The following MTNR1A variants were observed in gnomAD, a reference collection of about 807,000 sequenced individuals.
MTNR1A encodes melatonin receptor 1A.
Under a neutral mutation model 5.5 loss-of-function variants are expected in MTNR1A, and 7 were observed. That is an observed-to-expected ratio of 1.28 (90% CI 0.73 to 2.40). The LOEUF is 2.40. MTNR1A is among the 30% of genes most tolerant of loss of function. MTNR1A has a pLI of 0.00. For missense variants in MTNR1A, 441 were observed against 464.4 expected (o/e 0.95, Z 0.46); for synonymous variants, 196 against 202.7 (o/e 0.97, Z 0.28).
intron 1 of MTNR1A, among the ~76,000 whole-genome samples, chr4:186,546,527 C>T (rs1246287333): frequency 6.6e-6 from 1 of 152,078 alleles, no homozygotes; most frequent in African/African-American, 2.4e-5. Flanking sequence ...CTTCATGTGA[C>T]ACGCCATCCA....
At chr4:186,550,500 G>C (rs185405485) in intron 1 of MTNR1A, among the ~76,000 whole-genome samples, 404 of 152,280 alleles carry the variant, frequency 2.7e-3, no homozygotes, top group African/African-American at 9.4e-3. Flanking sequence ...AGGAAGAATG[G>C]GCAGAATGAG....
intron 1 of MTNR1A, among the ~76,000 whole-genome samples, chr4:186,535,830 T>A (rs548659251): frequency 6.6e-6 from 1 of 152,198 alleles, no homozygotes; most frequent in Non-Finnish European, 1.5e-5. Flanking sequence ...ACTTTCTAAA[T>A]CCTGCCCATT....
At chr4:186,535,477 C>T (rs1268734735) in intron 1 of MTNR1A, among the ~76,000 whole-genome samples, 1 of 151,982 alleles carries the variant, frequency 6.6e-6, no homozygotes, top group Non-Finnish European at 1.5e-5. Context: ...AATGGTCCGA[C>T]CTTGGCTCAC....
chr4:186,554,724 T>G (rs1234041006), intron 1 of MTNR1A, among the ~76,000 whole-genome samples: 2 of 152,218 alleles, frequency 1.3e-5, no homozygotes, highest in African/African-American at 2.4e-5. Context: ...GGCTCGTAAC[T>G]GCAGACTACT....
intron 1 of MTNR1A, among the ~76,000 whole-genome samples, chr4:186,538,702 C>T (rs944928553): frequency 1.1e-4 from 17 of 152,222 alleles, no homozygotes; most frequent in African/African-American, 4.1e-4. Flanking sequence ...GCTCACACAA[C>T]TGCTCTAGCA....
chr4:186,545,461 C>A (rs960834389), intron 1 of MTNR1A, among the ~76,000 whole-genome samples: 1 of 152,166 alleles, frequency 6.6e-6, no homozygotes, highest in Non-Finnish European at 1.5e-5. Flanking sequence ...CACATTCTCA[C>A]GGTGAGCACA....
intron 1 of MTNR1A, among the ~76,000 whole-genome samples, chr4:186,548,530 T>G (rs999826238): frequency 1.3e-5 from 2 of 151,960 alleles, no homozygotes; most frequent in African/African-American, 2.4e-5. Context: ...CAAAAGGAAT[T>G]TATTCTGCTG....
chr4:186,535,802 G>A lies in MTNR1A; in HGVS notation c.185-1245C>T, dbSNP rs144634061. 3.6e-4 allele frequency among the ~76,000 whole-genome samples: 54 copies of A among 151,960 alleles called. 1 individual carries two copies. In the East Asian group the frequency reaches 8.9e-3, roughly 25 times the overall value. On this transcript the variant is annotated intron_variant, in intron 1 of 1. Transcript: ENST00000307161. ...TGTTTCTTACTATTCCTTCTGCCTC[G>A]AATGGCTCCTCACATCAACTTTCTA...
chr4:186,540,728 A>ACTGAAGGAAGGACCAGGTGCTGT (rs1736997188), intron 1 of MTNR1A, among the ~76,000 whole-genome samples: 1 of 54,802 alleles, frequency 1.8e-5, no homozygotes, highest in African/African-American at 7.8e-5. Context: ...GTGCTGTCTG[A>ACTGAAGGAAGGACCAGGTGCTGT]CTGACTGAAG....
At chr4:186,536,497 A>G (rs1227260651) in intron 1 of MTNR1A, among the ~76,000 whole-genome samples, 1 of 152,172 alleles carries the variant, frequency 6.6e-6, no homozygotes, top group Non-Finnish European at 1.5e-5. Flanking sequence ...TTCGCCTTCT[A>G]TTCTATTGAC....
chr4:186,534,172 G>A lies in MTNR1A; in HGVS notation c.570C>T (p.Ala190=), dbSNP rs777236387. ...GGACGAGGAAGTGGAAAACCACCAC[G>A]GCGATGGTGTAGGCGGAGCTGACGG... ...AQSVSSAYTI[A]VVVFHFLVPM... The change falls in exon 2 of 2, where the codon GCC becomes GCT. Residue 190 remains alanine (A), a synonymous_variant. Transcript: ENST00000307161. The A allele has an allele frequency of 8.1e-6, 13 of 1,613,352 alleles. No homozygotes were observed. The highest frequency in any genetic ancestry group is 4.4e-5 in the South Asian group (4 of 91,074).
chr4:186,550,036 T>C (rs1162513331), intron 1 of MTNR1A, among the ~76,000 whole-genome samples: 1 of 152,234 alleles, frequency 6.6e-6, no homozygotes, highest in Non-Finnish European at 1.5e-5. Context: ...TCAATGGCAT[T>C]GCCGAAAGTG....
intron 1 of MTNR1A, among the ~76,000 whole-genome samples, chr4:186,554,467 A>C (rs1737329910): frequency 6.6e-6 from 1 of 152,230 alleles, no homozygotes. Flanking sequence ...TCCTAAGAAC[A>C]AAGTGTCCAC....
intron 1 of MTNR1A, among the ~76,000 whole-genome samples, chr4:186,541,180 T>G (rs1209154549): frequency 6.6e-6 from 1 of 152,180 alleles, no homozygotes; most frequent in Non-Finnish European, 1.5e-5. Flanking sequence ...TTTCATGACC[T>G]ACTGACACTA....
At chr4:186,553,477 A>G (rs1367225917) in intron 1 of MTNR1A, among the ~76,000 whole-genome samples, 1 of 152,262 alleles carries the variant, frequency 6.6e-6, no homozygotes, top group East Asian at 1.9e-4. Context: ...CACAAGAAGT[A>G]AAATTGTTCA....
chr4:186,540,704 G>C (rs1008055908), intron 1 of MTNR1A, among the ~76,000 whole-genome samples: 1 of 150,904 alleles, frequency 6.6e-6, no homozygotes, highest in South Asian at 2.1e-4. Flanking sequence ...GGTGCTGTCT[G>C]TCTGAAGGAC....
intron 1 of MTNR1A, among the ~76,000 whole-genome samples, chr4:186,553,811 C>T (rs535658864): frequency 7.9e-5 from 12 of 152,220 alleles, no homozygotes; most frequent in South Asian, 4.1e-4. Context: ...CGCGCCCAGC[C>T]GTGAACACTT....
intron 1 of MTNR1A, among the ~76,000 whole-genome samples, chr4:186,541,512 A>G (rs1464892863): frequency 6.6e-6 from 1 of 151,300 alleles, no homozygotes; most frequent in African/African-American, 2.4e-5. Flanking sequence ...GATCTAGCTG[A>G]CCATTAGCCA....
In MTNR1A at chr4:186,548,192, A is replaced by G. The variant is rs1449489754; in HGVS notation, c.184+6990T>C. 2.0e-5 allele frequency among the ~76,000 whole-genome samples: 3 copies of G among 152,216 alleles called. No individual in the cohort carries two copies. The East Asian group carries it at 5.8e-4, about 29-fold the overall frequency. ...TTTCCGAACCTTGAAGGACTCAGTGAAAACCCCATCTTAAATAAACAGATT... is the reference window on the plus strand; with the variant it reads ...TTTCCGAACCTTGAAGGACTCAGTGGAAACCCCATCTTAAATAAACAGATT... On this transcript the variant is annotated intron_variant, in intron 1 of 1. Transcript: ENST00000307161.
Sources: gnomAD v4.1 joint callset for allele counts (sites outside exome capture counted in the v4.1 genomes callset) on GRCh38, gnomAD v4.1.1 for gene constraint, MANE v1.5 for transcripts, NCBI Gene and HGNC (gene_info 2026-07-23, HGNC 2026-07-21) for gene names.